B4GALNT2: variants seen among roughly 807,000 people sequenced by gnomAD.
B4GALNT2 encodes the protein beta-1,4-N-acetyl-galactosaminyltransferase 2 (SID blood group).
Under a neutral mutation model 51.1 loss-of-function variants are expected in B4GALNT2, and 42 were observed. That is an observed-to-expected ratio of 0.82 (90% CI 0.64 to 1.06). B4GALNT2 has a LOEUF of 1.06. Ranked by LOEUF, B4GALNT2 falls within the 50% of genes least tolerant of loss-of-function variation. The probability of loss-of-function intolerance (pLI) is 0.00; values close to 1 mark genes in which losing one functional copy is unlikely to be tolerated. For missense variants in B4GALNT2, 602 were observed against 633.6 expected (o/e 0.95, Z 0.54); for synonymous variants, 253 against 251.7 (o/e 1.01, Z -0.05).
At chr17:49,165,988 C>A (rs536694076) in intron 8 of B4GALNT2, 126 bp from the exon 9 acceptor site, 5 of 1,130,248 alleles carry the variant, frequency 4.4e-6, no homozygotes, top group Non-Finnish European at 6.2e-6. Context: ...TGGATTCGCT[C>A]GCACCAATTC....
At chr17:49,166,038 G>C in intron 8 of B4GALNT2, 76 bp from the exon 9 acceptor site, 1 of 1,504,958 alleles carries the variant, frequency 6.6e-7, no homozygotes, top group South Asian at 1.2e-5. Flanking sequence ...CTGGCTGTTG[G>C]GAATTTAGAA....
intron 5 of B4GALNT2, among the ~76,000 whole-genome samples, chr17:49,158,002 GAA>G (rs1333037761): frequency 6.6e-6 from 1 of 152,218 alleles, no homozygotes; most frequent in African/African-American, 2.4e-5. Flanking sequence ...GAAGGCAAGA[GAA>G]GAGAGTGGCT....
In B4GALNT2 at chr17:49,141,460, G is replaced by C. The variant is rs780247929; in HGVS notation, c.215+13G>C. On this transcript the variant is annotated intron_variant, in intron 2 of 10. Transcript: ENST00000393354. ...ACGATGGAATCTGGTGAGAGACTGC[G>C]TGTTCTTTCTTTCACCTTAATGCAC... 1 of 1,611,558 alleles carries C rather than the reference G, an allele frequency of 6.2e-7. No individual in the cohort carries two copies. The highest frequency in any genetic ancestry group is 8.5e-7 in the Non-Finnish European group (1 of 1,178,284).
chr17:49,130,655 A>T (rs2042532625), upstream of B4GALNT2, among the ~76,000 whole-genome samples: 1 of 107,450 alleles, frequency 9.3e-6, no homozygotes, highest in African/African-American at 3.4e-5. Context: ...AAAAATGTCT[A>T]GTTGTGTATT....
upstream of B4GALNT2, among the ~76,000 whole-genome samples, chr17:49,127,641 A>ATTTT (rs1567850505): frequency 1.5e-4 from 23 of 152,286 alleles, no homozygotes; most frequent in Admixed American, 6.5e-4. Flanking sequence ...AAGATTTAAA[A>ATTTT]AAAAAAATTT....
chr17:49,152,927 A>T, intron 4 of B4GALNT2, 21 bp downstream of exon 4: 1 of 1,571,572 alleles, frequency 6.4e-7, no homozygotes, highest in Non-Finnish European at 8.7e-7. Context: ...CCACATACCA[A>T]GAGACCCCAG....
Position 49,174,057 on chromosome 17 carries a change from A to G in B4GALNT2, c.*4329A>G, listed in dbSNP as rs950661961. The G allele has an allele frequency of 2.6e-5, 4 of 152,330 alleles. No homozygotes were observed. Among genetic ancestry groups the G allele is most frequent in the Admixed American group, 1.3e-4 (2 of 15,294 alleles). The allele number at this position is 152,330 out of a possible 1,614,324, so 9.4% of individuals were successfully genotyped here. A position where few individuals can be genotyped will look rare whatever the true frequency, so the allele number is the denominator to read the frequency against. ...CATTTAATGTTTTCAGTTGATCCCT[A>G]CATATGGTTACTTTCTGTGGCACAA... On this transcript the variant is annotated 3_prime_UTR_variant, in exon 11 of 11. Coordinates refer to ENST00000393354, the MANE Select transcript of B4GALNT2 (RefSeq NM_001159387.2).
chr17:49,161,274 T>TG (rs1491420382), intron 7 of B4GALNT2, among the ~76,000 whole-genome samples: 1 of 17,156 alleles, frequency 5.8e-5, no homozygotes. Context: ...GACTCTGTCT[T>TG]GAAAAAAAAA....
rs910895617 is a variant in B4GALNT2, at chr17:49,149,628, AGAGT to A, written c.354-3164_354-3161del. On this transcript the variant is annotated intron_variant, in intron 3 of 10. Coordinates refer to ENST00000393354, the MANE Select transcript of B4GALNT2 (RefSeq NM_001159387.2). ...CACCACTGCATCTTGCCTGGGTGAC[AGAGT>A]GAGTGAGACTTCGTCTCAGAAAAAA... Among the ~76,000 whole-genome samples the A allele has an allele frequency of 1.4e-3, 219 of 152,328 alleles. 1 individual carries two copies. The highest frequency in any genetic ancestry group is 4.8e-3 in the African/African-American group (200 of 41,568).
chr17:49,150,462 C>T lies in B4GALNT2; in HGVS notation c.354-2338C>T, dbSNP rs910674248. ...TGAGAACGGGCCATGATGACAATGG[C>T]GGTTTTGTGGAATAGAAAGCGGGGA... On this transcript the variant is annotated intron_variant, in intron 3 of 10. Transcript: ENST00000393354. 8.3e-4 allele frequency among the ~76,000 whole-genome samples: 126 copies of T among 152,138 alleles called. 1 individual carries two copies. The highest frequency in any genetic ancestry group is 2.9e-3 in the African/African-American group (121 of 41,500).
At chr17:49,164,558 G>A (rs541064197) in intron 8 of B4GALNT2, among the ~76,000 whole-genome samples, 2 of 145,274 alleles carry the variant, frequency 1.4e-5, no homozygotes, top group East Asian at 2.0e-4. Context: ...CTGGAGTGCC[G>A]TGGCATGATC....
Position 49,132,935 on chromosome 17 carries a change from G to T in B4GALNT2, c.14+129G>T, listed in dbSNP as rs2042552877. ...CAGACGCCGGAGCCAGGGAGCGGGC[G>T]GTTGGAGTCTTAAGTCCAACCGGTT... On this transcript the variant is annotated intron_variant, in intron 1 of 10. Transcript: ENST00000393354. 94 of 1,381,790 alleles carry T rather than the reference G, an allele frequency of 6.8e-5. No homozygotes were observed. In the South Asian group the frequency reaches 1.7e-3, roughly 24 times the overall value. The allele number at this position is 1,381,790 out of a possible 1,614,324, so 85.6% of individuals were successfully genotyped here.
At chr17:49,158,591 T>C (rs1331136670) in intron 5 of B4GALNT2, among the ~76,000 whole-genome samples, 1 of 129,252 alleles carries the variant, frequency 7.7e-6, no homozygotes, top group Non-Finnish European at 1.5e-5. Context: ...TGAGCTGAGA[T>C]CATGCACTGC....
At chr17:49,163,986 C>A in intron 7 of B4GALNT2, 102 bp from the exon 8 acceptor site, 2 of 1,158,912 alleles carry the variant, frequency 1.7e-6, no homozygotes, top group Non-Finnish European at 2.5e-6. Flanking sequence ...GACCCACAGA[C>A]ACTGACAGGT....
At chr17:49,148,351 C>A in intron 3 of B4GALNT2, 1 of 364,740 alleles carries the variant, frequency 2.7e-6, no homozygotes, top group Non-Finnish European at 5.4e-6. Flanking sequence ...ACTGAGGTGG[C>A]TGACCACATC....
chr17:49,133,159 T>C, intron 1 of B4GALNT2: 1 of 1,526,822 alleles, frequency 6.5e-7, no homozygotes, highest in Non-Finnish European at 8.7e-7. Context: ...TGCTTGGAAC[T>C]CAGAGGCGCT....
chr17:49,142,251 G>T, intron 3 of B4GALNT2, 79 bp downstream of exon 3: 2 of 1,554,930 alleles, frequency 1.3e-6, no homozygotes, highest in South Asian at 1.1e-5. Flanking sequence ...TGAATCTTAA[G>T]AGAAAAAGCA....
chr17:49,144,778 G>C (rs2144290330), intron 3 of B4GALNT2, among the ~76,000 whole-genome samples: 1 of 152,278 alleles, frequency 6.6e-6, no homozygotes, highest in Non-Finnish European at 1.5e-5. Context: ...AGGGGGGAGA[G>C]AGAGAGAAAG....
At chr17:49,158,960 C>T in intron 5 of B4GALNT2, 77 bp from the exon 6 acceptor site, 2 of 1,508,230 alleles carry the variant, frequency 1.3e-6, no homozygotes, top group Non-Finnish European at 1.8e-6. Flanking sequence ...GGCTCCTGGC[C>T]TGGGTATGTA....
Sources: gnomAD v4.1 joint callset for allele counts (sites outside exome capture counted in the v4.1 genomes callset) on GRCh38, gnomAD v4.1.1 for gene constraint, MANE v1.5 for transcripts, NCBI Gene and HGNC (gene_info 2026-07-23, HGNC 2026-07-21) for gene names.